The following IFTAP variants were observed in gnomAD, a reference collection of about 807,000 sequenced individuals.
IFTAP encodes the protein intraflagellar transport-associated protein.
IFTAP carries 19 observed loss-of-function variants against 19.4 expected under a neutral mutation model. The observed-to-expected ratio is 0.98, with a 90% CI of 0.68 to 1.44. IFTAP has a LOEUF of 1.44. IFTAP is among the 40% of genes most tolerant of loss of function. The pLI is 0.00. For synonymous variants in IFTAP, 85 were observed against 83.5 expected (o/e 1.02, Z -0.10); for missense variants, 240 against 253.6 (o/e 0.95, Z 0.36).
At position 36,636,064 on chromosome 11, in the gene IFTAP, T is replaced by C. The variant is rs765523042; in HGVS notation, c.305T>C (p.Leu102Pro). 6.8e-6 allele frequency: 11 copies of C among 1,606,300 alleles called. No homozygotes were observed. Among genetic ancestry groups the C allele is most frequent in the Middle Eastern group, 1.7e-4 (1 of 6,010 alleles). The part of the protein sequence containing the change: ...QCLEEQVDNF[L>P]DLEDLDMDEE... ...TCTTTTTTCTAGGTAGATAATTTCC[T>C]AGATTTAGAAGATTTGGACATGGAT... is the stretch of plus-strand genomic sequence containing the variant. The change falls in exon 4 of 6, where the codon CTA (leucine) becomes CCA (proline). Residue 102 changes from leucine to proline, a missense_variant. Physicochemically the swap from Leu to Pro is moderately conservative, Grantham distance 98. Transcript: ENST00000334307.
At chr11:36,613,790 C>T (rs1851958669) in intron 2 of IFTAP, among the ~76,000 whole-genome samples, 1 of 151,978 alleles carries the variant, frequency 6.6e-6, no homozygotes, top group Non-Finnish European at 1.5e-5. Flanking sequence ...TTCTTTGGGT[C>T]ACGGTTGCAT....
intron 4 of IFTAP, among the ~76,000 whole-genome samples, chr11:36,645,668 G>T (rs866855986): frequency 3.3e-5 from 5 of 151,918 alleles, no homozygotes; most frequent in Admixed American, 6.6e-5. Context: ...CATATGCCTT[G>T]CCAGGCTCTT....
chr11:36,603,259 A>G (rs1304377139), intron 1 of IFTAP, among the ~76,000 whole-genome samples: 1 of 152,190 alleles, frequency 6.6e-6, no homozygotes, highest in Non-Finnish European at 1.5e-5. Flanking sequence ...CAAATTTTTC[A>G]AGAGGAAAGT....
intron 2 of IFTAP, among the ~76,000 whole-genome samples, chr11:36,631,148 C>A (rs561301792): frequency 4.0e-5 from 6 of 151,462 alleles, no homozygotes; most frequent in Non-Finnish European, 8.8e-5. Context: ...CAGCAACCCC[C>A]AGCCCTCCAC....
At chr11:36,650,353 A>G (rs1853662182) in intron 5 of IFTAP, among the ~76,000 whole-genome samples, 1 of 151,986 alleles carries the variant, frequency 6.6e-6, no homozygotes, top group Non-Finnish European at 1.5e-5. Flanking sequence ...GGACCAACTC[A>G]ATGTTTTACC....
At chr11:36,600,775 T>G (rs1354153585) in intron 1 of IFTAP, among the ~76,000 whole-genome samples, 1 of 151,996 alleles carries the variant, frequency 6.6e-6, no homozygotes, top group Non-Finnish European at 1.5e-5. Context: ...TGAGGCAGAG[T>G]AAAACAGAGT....
chr11:36,642,305 A>G (rs1214641430), intron 4 of IFTAP, among the ~76,000 whole-genome samples: 3 of 152,210 alleles, frequency 2.0e-5, no homozygotes, highest in African/African-American at 7.2e-5. Context: ...AGACTAAACC[A>G]GGAAGAAGTC....
At chr11:36,595,894 A>T (rs974885817) in intron 1 of IFTAP, among the ~76,000 whole-genome samples, 6 of 152,268 alleles carry the variant, frequency 3.9e-5, no homozygotes, top group African/African-American at 1.4e-4. Context: ...ATAGACAGAT[A>T]AACATTTGAA....
chr11:36,616,471 G>C (rs1003342332), intron 2 of IFTAP, among the ~76,000 whole-genome samples: 3 of 151,594 alleles, frequency 2.0e-5, no homozygotes, highest in African/African-American at 7.3e-5. Context: ...TTCCTATTAG[G>C]TAGAACATTG....
At chr11:36,597,331 C>G (rs1565000273) in intron 1 of IFTAP, among the ~76,000 whole-genome samples, 1 of 152,128 alleles carries the variant, frequency 6.6e-6, no homozygotes, top group African/African-American at 2.4e-5. Flanking sequence ...TATACTATAT[C>G]TAAAATAACC....
In IFTAP at chr11:36,619,119, AT is replaced by A. The variant is rs554288330; in HGVS notation, c.136+8890del. On this transcript the variant is annotated intron_variant, in intron 2 of 5. Coordinates refer to ENST00000334307, the MANE Select transcript of IFTAP (RefSeq NM_138787.4). ...CAGTTCTCATTTCAGGAGTCTTTTA[AT>A]TTTTTTTTTCTTTATTGAGCGTTCG... Among the ~76,000 whole-genome samples the A allele has an allele frequency of 5.8e-4, 88 of 150,518 alleles. No homozygotes were observed. The South Asian group carries it at 0.015, about 26-fold the overall frequency.
intron 2 of IFTAP, among the ~76,000 whole-genome samples, chr11:36,619,171 G>T (rs1343460981): frequency 6.6e-6 from 1 of 151,788 alleles, no homozygotes; most frequent in Admixed American, 6.6e-5. Context: ...AGAATCTTGG[G>T]TTGGGATTTG....
intron 2 of IFTAP, among the ~76,000 whole-genome samples, chr11:36,624,016 CCTT>C (rs1852410625): frequency 6.6e-6 from 1 of 151,608 alleles, no homozygotes; most frequent in East Asian, 1.9e-4. Context: ...TTTTTTTCCT[CCTT>C]CTTCATTATT....
At chr11:36,630,007 A>G (rs1438022328) in intron 2 of IFTAP, among the ~76,000 whole-genome samples, 1 of 151,250 alleles carries the variant, frequency 6.6e-6, no homozygotes, top group African/African-American at 2.5e-5. Flanking sequence ...AGCAAGAAAC[A>G]TTAGGGATAA....
chr11:36,624,863 CTA>C (rs1852450038), intron 2 of IFTAP, among the ~76,000 whole-genome samples: 1 of 152,076 alleles, frequency 6.6e-6, no homozygotes, highest in Non-Finnish European at 1.5e-5. Flanking sequence ...CTTGGATTAT[CTA>C]TATCTCTTAC....
At chr11:36,655,717 A>T (rs1309271469) in intron 5 of IFTAP, among the ~76,000 whole-genome samples, 1 of 152,176 alleles carries the variant, frequency 6.6e-6, no homozygotes, top group African/African-American at 2.4e-5. Context: ...TTCTTGCTTT[A>T]GTATCTCAGT....
At chr11:36,627,237 A>C (rs2133435164) in intron 2 of IFTAP, among the ~76,000 whole-genome samples, 1 of 151,340 alleles carries the variant, frequency 6.6e-6, no homozygotes, top group Middle Eastern at 3.4e-3. Flanking sequence ...GGGTGATGGA[A>C]TGACCTAAAA....
intron 5 of IFTAP, 52 bp from the exon 6 acceptor site, chr11:36,658,967 C>T (rs1392743966): frequency 7.4e-7 from 1 of 1,342,886 alleles, no homozygotes; most frequent in Non-Finnish European, 1.0e-6. Context: ...TCAACTTTAT[C>T]TTCATTTACA....
intron 4 of IFTAP, among the ~76,000 whole-genome samples, chr11:36,644,014 A>G (rs937295514): frequency 2.0e-5 from 3 of 152,226 alleles, no homozygotes; most frequent in African/African-American, 7.2e-5. Flanking sequence ...TAATTAAACT[A>G]AAGAGCGTCT....
Sources: allele counts gnomAD v4.1 joint callset (sites outside exome capture counted in the v4.1 genomes callset), GRCh38; gene constraint gnomAD v4.1.1; transcripts MANE v1.5; gene names NCBI Gene and HGNC (gene_info 2026-07-23, HGNC 2026-07-21).